The following CSMD3 variants were observed in gnomAD, a reference collection of about 807,000 sequenced individuals.
CSMD3 encodes the protein CUB and Sushi multiple domains 3, also known as CUB and sushi domain-containing protein 3.
Under a neutral mutation model 435.2 loss-of-function variants are expected in CSMD3, and 177 were observed. That is an observed-to-expected ratio of 0.41 (90% CI 0.36 to 0.46). The LOEUF (loss-of-function observed/expected upper bound fraction) is 0.46, where lower values mean the gene tolerates loss of function less well. Ranked by LOEUF, CSMD3 falls within the 20% of genes least tolerant of loss-of-function variation. CSMD3 has a pLI of 0.34. For missense variants in CSMD3, 4,265 were observed against 4,504.6 expected (o/e 0.95, Z 1.52); for synonymous variants, 1,656 against 1,520.5 (o/e 1.09, Z -2.07).
chr8:112,559,121 A>G (rs1268063787), intron 24 of CSMD3, among the ~76,000 whole-genome samples: 1 of 151,874 alleles, frequency 6.6e-6, no homozygotes, highest in African/African-American at 2.4e-5. Flanking sequence ...TCCTGGGCTA[A>G]GAGCGACACT....
intron 3 of CSMD3, among the ~76,000 whole-genome samples, chr8:113,209,340 G>A (rs187788473): frequency 3.9e-5 from 6 of 152,026 alleles, no homozygotes; most frequent in Non-Finnish European, 8.8e-5. Flanking sequence ...TTATACTATG[G>A]TACATGACTT....
Position 113,012,773 on chromosome 8 carries a change from C to G in CSMD3, c.1030+6294G>C, listed in dbSNP as rs370009086. ...TCCTTCATAGCAGTGTGGGAGCAGA[C>G]TAATACAATGTCCAACATCCCTTTG... On this transcript the variant is annotated intron_variant, in intron 6 of 70. Transcript: ENST00000297405. Among the ~76,000 whole-genome samples, 88 of 152,076 alleles carry G rather than the reference C, an allele frequency of 5.8e-4. 4 individuals are homozygous for G. The South Asian group carries it at 0.018, about 30-fold the overall frequency.
At chr8:112,587,754 C>T (rs894648751) in intron 22 of CSMD3, among the ~76,000 whole-genome samples, 3 of 151,726 alleles carry the variant, frequency 2.0e-5, no homozygotes, top group Non-Finnish European at 4.4e-5. Flanking sequence ...TCTTTGAAAA[C>T]TGATATAATA....
At chr8:113,191,563 C>CA (rs144305550) in intron 3 of CSMD3, among the ~76,000 whole-genome samples, 25,765 of 141,488 alleles carry the variant, frequency 0.18, 2,517 homozygotes, top group Non-Finnish European at 0.24. Flanking sequence ...ATGTTGTTGC[C>CA]AAAAAAAAAA....
At chr8:112,322,216 C>G (rs1823063890) in intron 45 of CSMD3, among the ~76,000 whole-genome samples, 2 of 151,998 alleles carry the variant, frequency 1.3e-5, no homozygotes. Flanking sequence ...ACAAGAAACA[C>G]TTTTTTATGT....
At chr8:112,679,993 A>G (rs1193626459) in intron 16 of CSMD3, among the ~76,000 whole-genome samples, 3 of 152,184 alleles carry the variant, frequency 2.0e-5, no homozygotes, top group East Asian at 3.8e-4. Context: ...CTGCAGTCAC[A>G]CTGAACTGGC....
Position 113,278,237 on chromosome 8 carries a change from G to C in CSMD3, c.514+355C>G, listed in dbSNP as rs185077976. 1.1e-4 allele frequency among the ~76,000 whole-genome samples: 17 copies of C among 151,900 alleles called. No individual in the cohort carries two copies. The East Asian group carries it at 1.5e-3, about 14-fold the overall frequency. ...TCTCTTGACTCTAACTTTCAGAGAA[G>C]ACAGATTACTAGTTTACTTTCTGGT... On this transcript the variant is annotated intron_variant, in intron 3 of 70. Transcript: ENST00000297405.
intron 61 of CSMD3, among the ~76,000 whole-genome samples, chr8:112,259,627 G>T (rs1038562326): frequency 1.3e-5 from 2 of 151,944 alleles, no homozygotes. Context: ...TCGGAAACCA[G>T]AGTAAAGTAA....
At chr8:112,545,949 G>A (rs906278640) in intron 27 of CSMD3, among the ~76,000 whole-genome samples, 2 of 152,152 alleles carry the variant, frequency 1.3e-5, no homozygotes, top group African/African-American at 4.8e-5. Context: ...CAGTACATAT[G>A]TGGAAATGGA....
intron 10 of CSMD3, among the ~76,000 whole-genome samples, chr8:112,863,579 T>C (rs571323590): frequency 6.6e-6 from 1 of 152,182 alleles, no homozygotes; most frequent in African/African-American, 2.4e-5. Flanking sequence ...CATCTCTCCA[T>C]TCTTATTCAA....
rs896467814 is a variant in CSMD3, at chr8:112,243,411, A to C, written c.10402+983T>G. Among the ~76,000 whole-genome samples the C allele has an allele frequency of 5.9e-5, 9 of 152,232 alleles. No homozygotes were observed. The South Asian group carries it at 1.7e-3, about 28-fold the overall frequency. The stretch of plus-strand genomic sequence containing the variant: ...GATTTTGTTGATGACCTTACCAAAA[A>C]CACTAGAAAAAGTTCCTTTACTCCT... On this transcript the variant is annotated intron_variant, in intron 65 of 70. Transcript: ENST00000297405.
Position 112,831,030 on chromosome 8 carries a change from G to A in CSMD3, c.1756-1241C>T, listed in dbSNP as rs188407369. On this transcript the variant is annotated intron_variant, in intron 11 of 70. Coordinates refer to ENST00000297405, the MANE Select transcript of CSMD3 (RefSeq NM_198123.2). ...TCTCAATCTCCTGGCCTCGTGATCC[G>A]CCCACCTCGGCCTCCCAAAATGCTG... Among the ~76,000 whole-genome samples the A allele has an allele frequency of 1.1e-3, 161 of 151,998 alleles. 1 individual carries two copies. Among genetic ancestry groups the A allele is most frequent in the Non-Finnish European group, 2.1e-3 (140 of 67,946 alleles).
chr8:112,452,650 T>C (rs886672778), intron 32 of CSMD3, among the ~76,000 whole-genome samples: 2 of 152,208 alleles, frequency 1.3e-5, no homozygotes, highest in African/African-American at 4.8e-5. Flanking sequence ...TTTAACTCTA[T>C]AACAGGTTTT....
chr8:113,156,418 C>A (rs1433392172), intron 4 of CSMD3, among the ~76,000 whole-genome samples: 1 of 151,808 alleles, frequency 6.6e-6, no homozygotes, highest in Non-Finnish European at 1.5e-5. Flanking sequence ...GTCTTCTTTA[C>A]CAGACTATTC....
At chr8:112,713,735 C>T (rs536134552) in intron 13 of CSMD3, among the ~76,000 whole-genome samples, 1 of 152,206 alleles carries the variant, frequency 6.6e-6, no homozygotes, top group African/African-American at 2.4e-5. Flanking sequence ...TCAGCAGAAA[C>T]CCTGCAAGCC....
At chr8:112,400,121 CA>C (rs973868078) in intron 35 of CSMD3, among the ~76,000 whole-genome samples, 22 of 152,046 alleles carry the variant, frequency 1.4e-4, no homozygotes, top group Admixed American at 1.4e-3. Context: ...GCTACTATAA[CA>C]AAAAAACATA....
intron 13 of CSMD3, among the ~76,000 whole-genome samples, chr8:112,792,718 G>A (rs542953168): frequency 1.3e-5 from 2 of 152,158 alleles, no homozygotes; most frequent in South Asian, 2.1e-4. Context: ...GTTGATTATT[G>A]TATATTGCAT....
chr8:112,321,737 T>C (rs904085205), intron 45 of CSMD3, among the ~76,000 whole-genome samples: 1 of 152,166 alleles, frequency 6.6e-6, no homozygotes, highest in Non-Finnish European at 1.5e-5. Flanking sequence ...CTTCCAGTAG[T>C]TTAACCTGTT....
At chr8:112,265,958 A>G (rs933005645) in intron 59 of CSMD3, among the ~76,000 whole-genome samples, 3 of 152,118 alleles carry the variant, frequency 2.0e-5, no homozygotes, top group Non-Finnish European at 4.4e-5. Flanking sequence ...TCATATTCCT[A>G]TATATGGCTA....
Sources: gnomAD v4.1 joint callset for allele counts (sites outside exome capture counted in the v4.1 genomes callset) on GRCh38, gnomAD v4.1.1 for gene constraint, MANE v1.5 for transcripts, NCBI Gene and HGNC (gene_info 2026-07-23, HGNC 2026-07-21) for gene names.